The following NOL4 variants were observed in gnomAD, a reference collection of about 807,000 sequenced individuals.
NOL4 encodes nucleolar protein 4.
NOL4 carries 17 observed loss-of-function variants against 75.9 expected under a neutral mutation model. The ratio of observed to expected loss-of-function variants is 0.22; its 90% confidence interval spans 0.15 to 0.34. The LOEUF (loss-of-function observed/expected upper bound fraction) is 0.34, where lower values mean the gene tolerates loss of function less well. Among genes scored for constraint, NOL4 ranks in the 10% least tolerant of loss-of-function variants. The pLI is 1.00. For synonymous variants in NOL4, 292 were observed against 289.9 expected (o/e 1.01, Z -0.07); for missense variants, 614 against 793.5 (o/e 0.77, Z 2.72).
chr18:34,144,065 T>C (rs774502374), intron 1 of NOL4, among the ~76,000 whole-genome samples: 3 of 152,126 alleles, frequency 2.0e-5, no homozygotes, highest in African/African-American at 4.8e-5. Context: ...CTCCATTATA[T>C]GGTATTTTCA....
chr18:33,988,992 T>G (rs2072701357), intron 6 of NOL4, among the ~76,000 whole-genome samples: 1 of 151,662 alleles, frequency 6.6e-6, no homozygotes, highest in African/African-American at 2.4e-5. Flanking sequence ...ACCCAGGACT[T>G]TGAGACTGGT....
intron 10 of NOL4, among the ~76,000 whole-genome samples, chr18:33,877,198 T>C (rs1296150051): frequency 1.3e-5 from 2 of 151,974 alleles, no homozygotes; most frequent in African/African-American, 4.8e-5. Context: ...GGTTGCTGTG[T>C]CCTTGAGATA....
intron 9 of NOL4, among the ~76,000 whole-genome samples, chr18:33,899,481 C>A (rs989488969): frequency 1.3e-5 from 2 of 152,162 alleles, no homozygotes; most frequent in Non-Finnish European, 2.9e-5. Flanking sequence ...GGGAAGCCTG[C>A]AGCCAGGAGA....
chr18:34,191,097 T>C (rs2034879480), intron 1 of NOL4, among the ~76,000 whole-genome samples: 1 of 152,236 alleles, frequency 6.6e-6, no homozygotes, highest in African/African-American at 2.4e-5. Context: ...CTGTGTTTTC[T>C]TAAAAATACG....
At chr18:34,218,728 C>T (rs1433292099) in intron 1 of NOL4, among the ~76,000 whole-genome samples, 2 of 152,224 alleles carry the variant, frequency 1.3e-5, no homozygotes, top group African/African-American at 2.4e-5. Flanking sequence ...GGGCTATCAA[C>T]AGCAATGTCC....
intron 9 of NOL4, among the ~76,000 whole-genome samples, chr18:33,908,106 G>T (rs1478196433): frequency 1.4e-4 from 22 of 152,058 alleles, no homozygotes; most frequent in Non-Finnish European, 2.4e-4. Context: ...GAAAATTCAG[G>T]CCTGATACTT....
intron 6 of NOL4, among the ~76,000 whole-genome samples, chr18:33,972,989 C>T (rs1329825533): frequency 6.6e-6 from 1 of 152,166 alleles, no homozygotes; most frequent in Non-Finnish European, 1.5e-5. Context: ...AAGTTGGCCA[C>T]ATTCATTGAC....
chr18:33,921,771 G>T (rs1299454231), intron 9 of NOL4, among the ~76,000 whole-genome samples: 1 of 152,116 alleles, frequency 6.6e-6, no homozygotes, highest in Admixed American at 6.5e-5. Flanking sequence ...TGAGTTTGTG[G>T]TACTTTGTGT....
At chr18:34,159,643 T>C (rs1361958475) in intron 1 of NOL4, among the ~76,000 whole-genome samples, 1 of 152,142 alleles carries the variant, frequency 6.6e-6, no homozygotes, top group Non-Finnish European at 1.5e-5. Context: ...CCTCTGGCTT[T>C]AGTCCTTCTC....
chr18:34,166,185 C>G (rs1002974473), intron 1 of NOL4, among the ~76,000 whole-genome samples: 1 of 152,024 alleles, frequency 6.6e-6, no homozygotes, highest in African/African-American at 2.4e-5. Context: ...TGATGAAATG[C>G]TGACAGTTTT....
At chr18:34,048,690 A>G (rs772778313) in intron 5 of NOL4, 76 of 766,760 alleles carry the variant, frequency 9.9e-5, no homozygotes, top group East Asian at 1.3e-4. Flanking sequence ...TCAAAGACTC[A>G]GGGAAACATG....
chr18:34,102,267 T>C (rs1303063018), intron 4 of NOL4, among the ~76,000 whole-genome samples: 2 of 152,078 alleles, frequency 1.3e-5, no homozygotes, highest in African/African-American at 2.4e-5. Flanking sequence ...CTCAATTTAT[T>C]CACTGTTTTT....
At chr18:33,986,877 A>C (rs1327481246) in intron 6 of NOL4, among the ~76,000 whole-genome samples, 3 of 152,132 alleles carry the variant, frequency 2.0e-5, no homozygotes, top group African/African-American at 7.2e-5. Flanking sequence ...AATGTGCTTC[A>C]GTTGGTAAAT....
chr18:34,206,489 TA>T lies in NOL4; in HGVS notation c.264+16500del, dbSNP rs149263307. On this transcript the variant is annotated intron_variant, in intron 1 of 10. Transcript: ENST00000261592. ...GGTTTTTCTTCATCTGAGAAAATCT[TA>T]TATCACCTGTTTTCTAAAAAAATGT... Among the ~76,000 whole-genome samples, 180 of 152,290 alleles carry T rather than the reference TA, an allele frequency of 1.2e-3. 6 individuals carry two copies. In the East Asian group the frequency reaches 0.032, roughly 27 times the overall value.
intron 10 of NOL4, among the ~76,000 whole-genome samples, chr18:33,863,172 C>CA (rs2063251720): frequency 2.0e-5 from 3 of 150,924 alleles, no homozygotes; most frequent in African/African-American, 4.9e-5. Flanking sequence ...ATCGCAAGAA[C>CA]AAAAAACCAA....
At chr18:34,187,727 T>A (rs1282639896) in intron 1 of NOL4, among the ~76,000 whole-genome samples, 1 of 152,228 alleles carries the variant, frequency 6.6e-6, no homozygotes, top group Non-Finnish European at 1.5e-5. Flanking sequence ...ATTGTCTGGC[T>A]ATACCAGTTT....
chr18:34,107,154 G>A (rs543106676), intron 2 of NOL4, among the ~76,000 whole-genome samples: 6 of 152,182 alleles, frequency 3.9e-5, no homozygotes, highest in Admixed American at 2.6e-4. Context: ...AAACCCTTCA[G>A]GATAGATTTA....
At chr18:33,984,769 G>A (rs2146028595) in intron 6 of NOL4, among the ~76,000 whole-genome samples, 1 of 152,180 alleles carries the variant, frequency 6.6e-6, no homozygotes, top group Non-Finnish European at 1.5e-5. Flanking sequence ...ATTCCTTATA[G>A]CAGTACAAGA....
At chr18:34,146,965 T>G (rs1011116784) in intron 1 of NOL4, among the ~76,000 whole-genome samples, 21 of 152,148 alleles carry the variant, frequency 1.4e-4, no homozygotes, top group African/African-American at 4.6e-4. Context: ...CTAGGTATTT[T>G]ATTCTCTTTG....
Sources: gnomAD v4.1 joint callset for allele counts (sites outside exome capture counted in the v4.1 genomes callset) on GRCh38, gnomAD v4.1.1 for gene constraint, MANE v1.5 for transcripts, NCBI Gene and HGNC (gene_info 2026-07-23, HGNC 2026-07-21) for gene names.